ITPKB: variants seen among roughly 807,000 people sequenced by gnomAD.
ITPKB encodes inositol-trisphosphate 3-kinase B, also known as IP3 3-kinase B.
In ITPKB, 13 loss-of-function variants were observed where a neutral mutation model predicts 69.4. That is an observed-to-expected ratio of 0.19 (90% CI 0.12 to 0.30). The LOEUF is 0.30. ITPKB is among the 10% of genes least tolerant of loss of function. The pLI is 1.00. For synonymous variants in ITPKB, 584 were observed against 513.7 expected (o/e 1.14, Z -1.85); for missense variants, 1,240 against 1,250.5 (o/e 0.99, Z 0.13).
chr1:226,734,225 C>A (rs1258850108), intron 2 of ITPKB, among the ~76,000 whole-genome samples: 1 of 152,198 alleles, frequency 6.6e-6, no homozygotes, highest in Admixed American at 6.5e-5. Flanking sequence ...CCACAAAATG[C>A]CAGGCTGATT....
chr1:226,721,189 A>G (rs1363767674), intron 2 of ITPKB, among the ~76,000 whole-genome samples: 5 of 150,222 alleles, frequency 3.3e-5, no homozygotes, highest in African/African-American at 1.2e-4. Context: ...ACTAAAAAAA[A>G]AATACAAAAT....
At chr1:226,684,223 A>G (rs569674696) in intron 2 of ITPKB, among the ~76,000 whole-genome samples, 11 of 152,328 alleles carry the variant, frequency 7.2e-5, no homozygotes, top group African/African-American at 2.4e-4. Context: ...TACCAGACGG[A>G]TATGTGAAAG....
At chr1:226,638,268 A>C (rs1668880748) in intron 6 of ITPKB, among the ~76,000 whole-genome samples, 1 of 152,212 alleles carries the variant, frequency 6.6e-6, no homozygotes, top group Non-Finnish European at 1.5e-5. Flanking sequence ...CCTCCCCTGC[A>C]AGGGACTCAG....
chr1:226,647,503 T>C (rs1669084996), intron 3 of ITPKB, 123 bp from the exon 4 acceptor site: 2 of 695,734 alleles, frequency 2.9e-6, no homozygotes, highest in South Asian at 3.4e-5. Context: ...GGTGTGTCTA[T>C]GTCCCTGCTA....
chr1:226,711,461 G>GTT (rs1656957847), intron 2 of ITPKB, among the ~76,000 whole-genome samples: 3 of 151,638 alleles, frequency 2.0e-5, no homozygotes, highest in Non-Finnish European at 4.4e-5. Flanking sequence ...GTGTGTGTGT[G>GTT]TGTGTGTTGT....
At chr1:226,636,934 T>G (rs1429488866) in intron 7 of ITPKB, among the ~76,000 whole-genome samples, 1 of 151,970 alleles carries the variant, frequency 6.6e-6, no homozygotes, top group African/African-American at 2.4e-5. Flanking sequence ...TGCATGTGAT[T>G]GATCTGCATG....
chr1:226,704,918 T>A (rs1255881765), intron 2 of ITPKB, among the ~76,000 whole-genome samples: 1 of 152,252 alleles, frequency 6.6e-6, no homozygotes, highest in Non-Finnish European at 1.5e-5. Context: ...AAAGAAGTAC[T>A]GGCAAAAGCT....
chr1:226,640,652 G>C (rs1668942815), intron 5 of ITPKB, among the ~76,000 whole-genome samples: 1 of 152,190 alleles, frequency 6.6e-6, no homozygotes, highest in South Asian at 2.1e-4. Flanking sequence ...GAGAGGTGAA[G>C]GGAAAGTGGA....
In ITPKB at chr1:226,735,865, A is replaced by T. The variant is rs747687121; in HGVS notation, c.1594T>A (p.Trp532Arg). 1 of 1,607,236 alleles carries T rather than the reference A, an allele frequency of 6.2e-7. No individual in the cohort carries two copies. The highest frequency in any genetic ancestry group is 2.2e-5 in the East Asian group (1 of 44,644). ...TCACTGTCCTGCCGCTGGCTTTCCCAAGTCCCCTCTGATTGCACCCCTGTG... is the reference window on the plus strand; with the variant it reads ...TCACTGTCCTGCCGCTGGCTTTCCCTAGTCCCCTCTGATTGCACCCCTGTG... Reference protein sequence around the residue: ...RGTGVQSEGTWESQRQDSDAL... With the variant: ...RGTGVQSEGTRESQRQDSDAL... Residue 532 changes from tryptophan to arginine, a missense_variant, in exon 2 of 8, where the codon TGG becomes AGG. By Grantham distance (101) the Trp-to-Arg change is moderately radical (BLOSUM62 -3). Around this residue, in one of 2 missense-constraint regions of ITPKB, gnomAD observed 992 missense variants for 853.8 expected, o/e 1.16. Transcript: ENST00000429204.
At chr1:226,679,979 AAC>A (rs1656037858) in intron 2 of ITPKB, among the ~76,000 whole-genome samples, 1 of 152,234 alleles carries the variant, frequency 6.6e-6, no homozygotes, top group East Asian at 1.9e-4. Context: ...AAAAAGCCTC[AAC>A]ACCCAGTAGA....
At chr1:226,715,378 C>T (rs1378661101) in intron 2 of ITPKB, among the ~76,000 whole-genome samples, 2 of 152,232 alleles carry the variant, frequency 1.3e-5, no homozygotes, top group East Asian at 3.8e-4. Flanking sequence ...AGCAAAACCT[C>T]TGCTGGTTTT....
chr1:226,727,106 C>T (rs1479684599), intron 2 of ITPKB, among the ~76,000 whole-genome samples: 1 of 152,146 alleles, frequency 6.6e-6, no homozygotes, highest in Non-Finnish European at 1.5e-5. Context: ...TCATCCTTTC[C>T]CCATAATATT....
intron 4 of ITPKB, among the ~76,000 whole-genome samples, chr1:226,644,676 GCCC>G (rs752072199): frequency 1.3e-5 from 2 of 152,158 alleles, no homozygotes; most frequent in Non-Finnish European, 2.9e-5. Flanking sequence ...CCACCCTTCT[GCCC>G]CCGCCATGCC....
intron 2 of ITPKB, among the ~76,000 whole-genome samples, chr1:226,670,985 G>A (rs1669604650): frequency 6.6e-6 from 1 of 152,162 alleles, no homozygotes; most frequent in Non-Finnish European, 1.5e-5. Flanking sequence ...GTAACATAAA[G>A]AAACTGCTAC....
At chr1:226,671,350 G>A (rs921811192) in intron 2 of ITPKB, among the ~76,000 whole-genome samples, 1 of 152,216 alleles carries the variant, frequency 6.6e-6, no homozygotes, top group Non-Finnish European at 1.5e-5. Context: ...TGAGGGCAGG[G>A]ACCGTGGAAT....
rs543595151 is a variant in ITPKB, at chr1:226,710,064, TA to T, written c.1932+25462del. Among the ~76,000 whole-genome samples, 20 of 152,256 alleles carry T rather than the reference TA, an allele frequency of 1.3e-4. No individual in the cohort carries two copies. The South Asian group carries it at 3.9e-3, about 30-fold the overall frequency. ...AATTCAGCCACATCCCAGTGACAGATAAATCTGTCTTCCCTGCCCCTGTCTC... is the reference window on the plus strand; with the variant it reads ...AATTCAGCCACATCCCAGTGACAGATAATCTGTCTTCCCTGCCCCTGTCTC... On this transcript the variant is annotated intron_variant, in intron 2 of 7. Coordinates refer to ENST00000429204, the MANE Select transcript of ITPKB (RefSeq NM_002221.4).
In ITPKB at chr1:226,632,842, G is replaced by A. The variant is rs541943911; in HGVS notation, c.*1829C>T. On this transcript the variant is annotated 3_prime_UTR_variant, in exon 8 of 8. Coordinates refer to ENST00000429204, the MANE Select transcript of ITPKB (RefSeq NM_002221.4). ...CAGTCCATATTCATAGAATCTTTAC[G>A]TCTGAATTAATGATGCCCCTGCCCT... is the stretch of plus-strand genomic sequence containing the variant. The A allele has an allele frequency of 6.6e-6, 1 of 152,546 alleles. No individual in the cohort carries two copies. 9.4% of individuals were successfully genotyped at this position (152,546 alleles called of 1,614,324 possible).
At chr1:226,722,536 A>G (rs755305566) in intron 2 of ITPKB, among the ~76,000 whole-genome samples, 6 of 152,232 alleles carry the variant, frequency 3.9e-5, no homozygotes, top group Admixed American at 3.3e-4. Flanking sequence ...ACGCTGCTCC[A>G]TATGGCTTTA....
intron 2 of ITPKB, among the ~76,000 whole-genome samples, chr1:226,683,199 G>T (rs1179734901): frequency 1.3e-5 from 2 of 152,194 alleles, no homozygotes; most frequent in African/African-American, 4.8e-5. Flanking sequence ...AGAGGGCTGG[G>T]GAATCCCAAC....
Sources: allele counts gnomAD v4.1 joint callset (sites outside exome capture counted in the v4.1 genomes callset), GRCh38; gene constraint gnomAD v4.1.1; regional missense constraint gnomAD v4.1.1; transcripts MANE v1.5; gene names NCBI Gene and HGNC (gene_info 2026-07-23, HGNC 2026-07-21).